ABCC1: variants seen among roughly 807,000 people sequenced by gnomAD.
The protein encoded by ABCC1 is multidrug resistance-associated protein 1.
Under a neutral mutation model 172.9 loss-of-function variants are expected in ABCC1, and 83 were observed. The ratio of observed to expected loss-of-function variants is 0.48; its 90% CI spans 0.40 to 0.58. The LOEUF (loss-of-function observed/expected upper bound fraction) is 0.58. Among genes scored for constraint, ABCC1 ranks in the 20% least tolerant of loss-of-function variants. ABCC1 has a pLI of 0.00. For synonymous variants in ABCC1, 937 were observed against 825.2 expected, an observed-to-expected ratio of 1.14 and a Z score of -2.32; for missense variants, 1,817 against 2,002.7, an observed-to-expected ratio of 0.91 and a Z score of 1.77.
At chr16:15,955,502 C>T (rs1433605437) in intron 1 of ABCC1, among the ~76,000 whole-genome samples, 1 of 152,188 alleles carries the variant, frequency 6.6e-6, no homozygotes, top group Non-Finnish European at 1.5e-5. Context: ...ACAGTGGCCT[C>T]GAAGGCTGGG....
intron 1 of ABCC1, among the ~76,000 whole-genome samples, chr16:16,000,017 G>A (rs2047242115): frequency 1.3e-5 from 2 of 150,360 alleles, no homozygotes; most frequent in South Asian, 4.2e-4. Flanking sequence ...ACCATGCCTG[G>A]CTAATTTTTG....
intron 20 of ABCC1, among the ~76,000 whole-genome samples, chr16:16,105,894 T>TTTGG (rs10673197): frequency 6.7e-6 from 1 of 150,268 alleles, no homozygotes; most frequent in Non-Finnish European, 1.5e-5. Flanking sequence ...TTTTTTTTTT[T>TTTGG]GAGACAGGGT....
At chr16:16,032,330 G>A (rs1433070410) in intron 5 of ABCC1, among the ~76,000 whole-genome samples, 1 of 152,192 alleles carries the variant, frequency 6.6e-6, no homozygotes, top group Non-Finnish European at 1.5e-5. Context: ...TGTGAGGTGA[G>A]GATGAAGATT....
chr16:15,989,743 CCT>C (rs2046817275), intron 1 of ABCC1, among the ~76,000 whole-genome samples: 1 of 152,066 alleles, frequency 6.6e-6, no homozygotes, highest in African/African-American at 2.4e-5. Flanking sequence ...TCTCTGTGTT[CCT>C]CTCTGTAAAA....
chr16:16,032,240 C>T (rs1383415814), intron 5 of ABCC1, among the ~76,000 whole-genome samples: 4 of 152,244 alleles, frequency 2.6e-5, no homozygotes, highest in East Asian at 3.9e-4. Context: ...CTGCCTGCCT[C>T]GGTCTCCGAA....
chr16:16,039,800 T>C (rs533420797), intron 7 of ABCC1, among the ~76,000 whole-genome samples: 1 of 152,186 alleles, frequency 6.6e-6, no homozygotes, highest in Non-Finnish European at 1.5e-5. Flanking sequence ...GGAGTGAGCC[T>C]TGTGTGTATC....
At chr16:16,021,051 T>A (rs1195643456) in intron 5 of ABCC1, among the ~76,000 whole-genome samples, 2 of 152,182 alleles carry the variant, frequency 1.3e-5, no homozygotes, top group Non-Finnish European at 2.9e-5. Context: ...AGTATCCACC[T>A]TGTAACCTCA....
intron 1 of ABCC1, among the ~76,000 whole-genome samples, chr16:16,005,069 CT>C (rs36027088): frequency 5.4e-4 from 73 of 134,442 alleles, no homozygotes; most frequent in Middle Eastern, 3.9e-3. Context: ...TCATTTTTAA[CT>C]TTTTTTTTTT....
chr16:15,982,803 C>CAAAAAAAAAAAAAAAAAAA lies in ABCC1; in HGVS notation c.49-25010_49-24992dup, dbSNP rs148834444. On this transcript the variant is annotated intron_variant, in intron 1 of 30. Coordinates refer to ENST00000399410, the MANE Select transcript of ABCC1 (RefSeq NM_004996.4). Reference sequence around the variant, plus strand: ...TCTGGGCAACAGAGTGAGACGCTGTCAAAAAAAAAAAAAAAAAAAAAGGAA... The same window carrying CAAAAAAAAAAAAAAAAAAA: ...TCTGGGCAACAGAGTGAGACGCTGTCAAAAAAAAAAAAAAAAAAAAAAAAAAAAAAAAAAAAAAAAGGAA... Among the ~76,000 whole-genome samples, 9 of 43,216 alleles carry CAAAAAAAAAAAAAAAAAAA rather than the reference C, an allele frequency of 2.1e-4. 3 individuals are homozygous for CAAAAAAAAAAAAAAAAAAA. The highest frequency in any genetic ancestry group is 7.5e-4 in the East Asian group (1 of 1,336). The allele number at this position is 43,216 out of a possible 152,430, so 28.4% of individuals were successfully genotyped here. A position where few individuals can be genotyped will look rare whatever the true frequency, so the allele number is the denominator to read the frequency against.
chr16:16,002,421 G>T (rs12921924), intron 1 of ABCC1, among the ~76,000 whole-genome samples: 80,606 of 152,004 alleles, frequency 0.53, 21,985 homozygotes, highest in Non-Finnish European at 0.61. Context: ...CTTGTCCCTT[G>T]TACCTCTTTG....
chr16:15,982,064 G>T (rs1425166468), intron 1 of ABCC1, among the ~76,000 whole-genome samples: 2 of 152,140 alleles, frequency 1.3e-5, no homozygotes, highest in East Asian at 3.8e-4. Flanking sequence ...GGACTTCATT[G>T]TCCATATCAC....
chr16:15,996,456 A>G (rs1427284429), intron 1 of ABCC1, among the ~76,000 whole-genome samples: 1 of 152,100 alleles, frequency 6.6e-6, no homozygotes, highest in Admixed American at 6.5e-5. Flanking sequence ...TTGAATTGGG[A>G]GTGGATGCTC....
intron 4 of ABCC1, 93 bp downstream of exon 4, chr16:16,014,721 A>G (rs911826279): frequency 2.7e-6 from 4 of 1,484,704 alleles, no homozygotes; most frequent in Admixed American, 1.9e-5. Context: ...ATGCGTTGCC[A>G]TGGGAACCAG....
intron 20 of ABCC1, chr16:16,105,550 C>T (rs2052045195): frequency 6.6e-6 from 1 of 152,134 alleles, no homozygotes; most frequent in African/African-American, 2.4e-5. Context: ...TTTCAGGGGA[C>T]ACAGTTCTGG....
intron 19 of ABCC1, chr16:16,094,080 T>C (rs1249118734): frequency 6.5e-6 from 1 of 153,606 alleles, no homozygotes; most frequent in Non-Finnish European, 1.5e-5. Flanking sequence ...TTCTGGGATA[T>C]ATTTTTCTTC....
At chr16:15,983,390 A>T (rs959231786) in intron 1 of ABCC1, among the ~76,000 whole-genome samples, 2 of 152,030 alleles carry the variant, frequency 1.3e-5, no homozygotes, top group African/African-American at 4.8e-5. Context: ...GCGCAGTGTG[A>T]AGGGACTGGG....
intron 19 of ABCC1, among the ~76,000 whole-genome samples, chr16:16,094,717 G>A (rs964695272): frequency 1.6e-4 from 24 of 149,962 alleles, no homozygotes; most frequent in Non-Finnish European, 5.9e-5. Context: ...GGGTTTCACC[G>A]TGTTAGTCAG....
At chr16:16,050,873 C>T (rs2049402437) in intron 10 of ABCC1, among the ~76,000 whole-genome samples, 1 of 151,708 alleles carries the variant, frequency 6.6e-6, no homozygotes, top group Admixed American at 6.6e-5. Context: ...CACTGCACTC[C>T]TACCTGGGTG....
chr16:16,006,871 C>CGGTGGCGGTGGTGGTGGCGGTGGT (rs1555480299), intron 1 of ABCC1, among the ~76,000 whole-genome samples: 1 of 148,030 alleles, frequency 6.8e-6, no homozygotes, highest in Admixed American at 6.8e-5. Flanking sequence ...GTGGCGGTGG[C>CGGTGGCGGTGGTGGTGGCGGTGGT]GGTGGCGGTG....
Sources: allele counts gnomAD v4.1 joint callset (sites outside exome capture counted in the v4.1 genomes callset), GRCh38; gene constraint gnomAD v4.1.1; transcripts MANE v1.5; gene names NCBI Gene and HGNC (gene_info 2026-07-23, HGNC 2026-07-21).